LSM8: variants seen among roughly 807,000 people sequenced by gnomAD.
LSM8 encodes LSM8 homolog, U6 small nuclear RNA associated.
In LSM8, 14 loss-of-function variants were observed where a neutral mutation model predicts 15.0. That is an observed-to-expected ratio of 0.93 (90% CI 0.62 to 1.46). The LOEUF (loss-of-function observed/expected upper bound fraction) is 1.46. Among genes scored for constraint, LSM8 ranks in the 40% most tolerant of loss-of-function variants. LSM8 has a pLI of 0.00. For synonymous variants in LSM8, 50 were observed against 42.1 expected (o/e 1.19, Z -0.73); for missense variants, 90 against 115.4 (o/e 0.78, Z 1.01).
rs1235352627 is a variant in LSM8, at chr7:118,192,874, T to A, written c.*872T>A. 1 of 152,150 alleles carries A rather than the reference T, an allele frequency of 6.6e-6. No individual in the cohort carries two copies. Among genetic ancestry groups the A allele is most frequent in the East Asian group, 1.9e-4 (1 of 5,198 alleles). 9.4% of individuals were successfully genotyped at this position (152,150 alleles called of 1,614,324 possible). A position where few individuals can be genotyped will look rare whatever the true frequency, so the allele number is the denominator to read the frequency against. On this transcript the variant is annotated 3_prime_UTR_variant, in exon 4 of 4. Transcript: ENST00000249299. Reference sequence around the variant, plus strand: ...GCAATTTTCCATGATTCATTATCCATAAACCTGATTTCAGAAGACGTCAAC... The same window carrying A: ...GCAATTTTCCATGATTCATTATCCAAAAACCTGATTTCAGAAGACGTCAAC...
Position 118,194,535 on chromosome 7 carries a change from A to T in LSM8, c.*2533A>T, listed in dbSNP as rs17141022. ...GAAAGTTTTACTAATATTTGCTTAA[A>T]CATCCTGTTTAACAACTTTATAACA... On this transcript the variant is annotated 3_prime_UTR_variant, in exon 4 of 4. Transcript: ENST00000249299. Among the ~76,000 whole-genome samples the T allele has an allele frequency of 0.069, 10,431 of 152,234 alleles. 386 individuals carry two copies. Among genetic ancestry groups the T allele is most frequent in the East Asian group, 0.11 (565 of 5,182 alleles).
At chr7:118,190,317 CTG>C (rs917401856) in intron 3 of LSM8, 5 of 152,294 alleles carry the variant, frequency 3.3e-5, no homozygotes, top group South Asian at 2.1e-4. Context: ...CAGAACAACA[CTG>C]TTTATATTGG....
At position 118,199,565 on chromosome 7, in the gene LSM8, G is replaced by T. The variant is rs1438983207; in HGVS notation, c.*7563G>T. ...AAGATGTACATAAATTTATGGAAAGGAAATTTTGGAATGGTGATTCTAACC... is the reference window on the plus strand; with the variant it reads ...AAGATGTACATAAATTTATGGAAAGTAAATTTTGGAATGGTGATTCTAACC... On this transcript the variant is annotated 3_prime_UTR_variant, in exon 4 of 4. Transcript: ENST00000249299. Among the ~76,000 whole-genome samples, 1 of 152,132 alleles carries T rather than the reference G, an allele frequency of 6.6e-6. No individual in the cohort carries two copies. The highest frequency in any genetic ancestry group is 2.4e-5 in the African/African-American group (1 of 41,436).
At position 118,185,665 on chromosome 7, in the gene LSM8, G is replaced by A. The variant is rs775304554; in HGVS notation, c.43G>A (p.Val15Ile). 2 of 1,610,690 alleles carry A rather than the reference G, an allele frequency of 1.2e-6. No individual in the cohort carries two copies. The highest frequency in any genetic ancestry group is 1.7e-6 in the Non-Finnish European group (2 of 1,177,210). The change falls in exon 2 of 4, where the codon GTT becomes ATT. Residue 15 changes from valine to isoleucine, a missense_variant. Physicochemically the swap from Val to Ile is conservative, Grantham distance 29 (BLOSUM62 3). Transcript: ENST00000249299. ...LENYINRTVA[V>I]ITSDGRMIVG... ...GATTCAGTTATCAGGAACTGTTGCC[G>A]TTATTACATCAGATGGGAGAATGAT... is the stretch of plus-strand genomic sequence containing the variant.
In LSM8 at chr7:118,203,058, C is replaced by G. The variant is rs1347143884; in HGVS notation, c.*11056C>G. On this transcript the variant is annotated 3_prime_UTR_variant, in exon 4 of 4. Transcript: ENST00000249299. The stretch of plus-strand genomic sequence containing the variant: ...ATATAGAAGACATGAACAATACTTT[C>G]ATCCATCTTGACCTAACTGCCATTT... 6.6e-6 allele frequency among the ~76,000 whole-genome samples: 1 copy of G among 152,044 alleles called. No individual in the cohort carries two copies. The highest frequency in any genetic ancestry group is 6.6e-5 in the Admixed American group (1 of 15,234).
intron 1 of LSM8, 107 bp downstream of exon 1, chr7:118,184,361 G>A: frequency 7.6e-7 from 1 of 1,307,320 alleles, no homozygotes; most frequent in Non-Finnish European, 1.0e-6. Flanking sequence ...TCCTGGGGGC[G>A]GGCGAGGAGA....
At position 118,193,416 on chromosome 7, in the gene LSM8, AT is replaced by A. The variant is rs1352272908; in HGVS notation, c.*1418del. Among the ~76,000 whole-genome samples the A allele has an allele frequency of 6.6e-6, 1 of 152,132 alleles. No individual in the cohort carries two copies. The highest frequency in any genetic ancestry group is 2.4e-5 in the African/African-American group (1 of 41,442). ...GTGGGTTTCATTCATATTTTAAAAT[AT>A]TTTAAACTTCATACTTATTAAACAT... is the stretch of plus-strand genomic sequence containing the variant. On this transcript the variant is annotated 3_prime_UTR_variant, in exon 4 of 4. Transcript: ENST00000249299.
In LSM8 at chr7:118,196,043, T is replaced by G. The variant is rs191221125; in HGVS notation, c.*4041T>G. 1.8e-4 allele frequency among the ~76,000 whole-genome samples: 27 copies of G among 152,346 alleles called. No homozygotes were observed. Among genetic ancestry groups the G allele is most frequent in the African/African-American group, 6.5e-4 (27 of 41,574 alleles). ...GTGGGAAACCATGAGACGTGCTTAG[T>G]CTTCATAAATCGATGCTGCCTCCTA... On this transcript the variant is annotated 3_prime_UTR_variant, in exon 4 of 4. Coordinates refer to ENST00000249299, the MANE Select transcript of LSM8 (RefSeq NM_016200.5).
Position 118,198,984 on chromosome 7 carries a change from A to C in LSM8, c.*6982A>C, listed in dbSNP as rs2115940499. ...AAAACCCTGAACACCAAGGCTCAAG[A>C]GAGCTTATTAGCAATACTTTGCATG... On this transcript the variant is annotated 3_prime_UTR_variant, in exon 4 of 4. Transcript: ENST00000249299. Among the ~76,000 whole-genome samples the C allele has an allele frequency of 6.6e-6, 1 of 152,322 alleles. No homozygotes were observed. Among genetic ancestry groups the C allele is most frequent in the East Asian group, 1.9e-4 (1 of 5,184 alleles).
In LSM8 at chr7:118,185,700, T is replaced by G. The variant is rs756387203; in HGVS notation, c.72+6T>G. On this transcript the variant is annotated splice_donor_region_variant and intron_variant, in intron 2 of 3. Coordinates refer to ENST00000249299, the MANE Select transcript of LSM8 (RefSeq NM_016200.5). ...CAGATGGGAGAATGATTGTGGTAAG[T>G]CTTTGGAATTTTCATTCTCTGCTTT... 1 of 1,607,824 alleles carries G rather than the reference T, an allele frequency of 6.2e-7. No homozygotes were observed. The highest frequency in any genetic ancestry group is 2.2e-5 in the East Asian group (1 of 44,784).
In LSM8 at chr7:118,192,095, G is replaced by T. The variant is rs1006952449; in HGVS notation, c.*93G>T. ...TGGAGTTTTTATGAGTGTGTCACTG[G>T]ATTTTGACTCCTTATTGATTCATTG... On this transcript the variant is annotated 3_prime_UTR_variant, in exon 4 of 4. Transcript: ENST00000249299. 1.2e-5 allele frequency: 9 copies of T among 749,890 alleles called. No individual in the cohort carries two copies. The South Asian group carries it at 1.5e-4, about 13-fold the overall frequency. 46.5% of individuals were successfully genotyped at this position (749,890 alleles called of 1,614,324 possible). A position where few individuals can be genotyped will look rare whatever the true frequency, so the allele number is the denominator to read the frequency against.
At position 118,202,231 on chromosome 7, in the gene LSM8, G is replaced by C. The variant is rs1026472927; in HGVS notation, c.*10229G>C. Among the ~76,000 whole-genome samples the C allele has an allele frequency of 2.6e-5, 4 of 152,060 alleles. No homozygotes were observed. Among genetic ancestry groups the C allele is most frequent in the African/African-American group, 7.2e-5 (3 of 41,446 alleles). On this transcript the variant is annotated 3_prime_UTR_variant, in exon 4 of 4. Transcript: ENST00000249299. ...ACCATGAAGTGTCATATGAAAGGAA[G>C]TTACGATTATTATTGGTGAGTACAT...
rs1170582645 is a variant in LSM8, at chr7:118,203,210, A to C, written c.*11208A>C. ...TCATTTAAAAAATTAATCTCAAAAAACAGATTTTAAATTGTACAGGAGAAA... is the reference window on the plus strand; with the variant it reads ...TCATTTAAAAAATTAATCTCAAAAACCAGATTTTAAATTGTACAGGAGAAA... On this transcript the variant is annotated 3_prime_UTR_variant, in exon 4 of 4. Coordinates refer to ENST00000249299, the MANE Select transcript of LSM8 (RefSeq NM_016200.5). Among the ~76,000 whole-genome samples the C allele has an allele frequency of 6.6e-6, 1 of 151,948 alleles. No homozygotes were observed. The highest frequency in any genetic ancestry group is 2.4e-5 in the African/African-American group (1 of 41,428).
At chr7:118,190,978 G>C (rs1421268402) in intron 3 of LSM8, 3 of 151,964 alleles carry the variant, frequency 2.0e-5, no homozygotes, top group Non-Finnish European at 4.4e-5. Flanking sequence ...GGTGGCATGC[G>C]CCTGTAATCC....
intron 2 of LSM8, among the ~76,000 whole-genome samples, chr7:118,186,104 ATAT>A (rs1302983394): frequency 1.3e-5 from 2 of 152,130 alleles, no homozygotes; most frequent in Non-Finnish European, 2.9e-5. Flanking sequence ...TACAATCTTA[ATAT>A]TCTTTGTTTT....
At position 118,200,945 on chromosome 7, in the gene LSM8, C is replaced by A. The variant is rs1398039726; in HGVS notation, c.*8943C>A. Among the ~76,000 whole-genome samples, 1 of 152,008 alleles carries A rather than the reference C, an allele frequency of 6.6e-6. No homozygotes were observed. The highest frequency in any genetic ancestry group is 2.4e-5 in the African/African-American group (1 of 41,418). ...CATTAGCAAACACTTTTCACATATACACTAATATTAGTATCTAAATTATAT... is the reference window on the plus strand; with the variant it reads ...CATTAGCAAACACTTTTCACATATAAACTAATATTAGTATCTAAATTATAT... On this transcript the variant is annotated 3_prime_UTR_variant, in exon 4 of 4. Coordinates refer to ENST00000249299, the MANE Select transcript of LSM8 (RefSeq NM_016200.5).
At position 118,184,271 on chromosome 7, in the gene LSM8, C is replaced by A; in HGVS notation, c.31+17C>A. The A allele has an allele frequency of 6.8e-7, 1 of 1,479,034 alleles. No homozygotes were observed. Among genetic ancestry groups the A allele is most frequent in the Non-Finnish European group, 9.0e-7 (1 of 1,105,146 alleles). The allele number at this position is 1,479,034 out of a possible 1,614,324, so 91.6% of individuals were successfully genotyped here. A position where few individuals can be genotyped will look rare whatever the true frequency, so the allele number is the denominator to read the frequency against. ...ACATCAACCGTATCCTCAAGCTGGC[C>A]GCCGCGGGCGTGAGCCGGGGTCGCG... On this transcript the variant is annotated intron_variant, in intron 1 of 3. Coordinates refer to ENST00000249299, the MANE Select transcript of LSM8 (RefSeq NM_016200.5).
chr7:118,187,686 C>T (rs561629647), intron 2 of LSM8, among the ~76,000 whole-genome samples: 1 of 152,276 alleles, frequency 6.6e-6, no homozygotes, highest in South Asian at 2.1e-4. Context: ...TTTTGTGGTT[C>T]ATCTCCTGGC....
At chr7:118,191,674 A>C in intron 3 of LSM8, 1 of 437,528 alleles carries the variant, frequency 2.3e-6, no homozygotes, top group Non-Finnish European at 4.1e-6. Flanking sequence ...TGTGTCCTTT[A>C]ATATTGGTTC....
Sources: gnomAD v4.1 joint callset for allele counts (sites outside exome capture counted in the v4.1 genomes callset) on GRCh38, gnomAD v4.1.1 for gene constraint, MANE v1.5 for transcripts, NCBI Gene and HGNC (gene_info 2026-07-23, HGNC 2026-07-21) for gene names.